The following FZD4 variants were observed in gnomAD, a reference collection of about 807,000 sequenced individuals.
FZD4 encodes the protein frizzled class receptor 4.
Under a neutral mutation model 37.3 loss-of-function variants are expected in FZD4, and 16 were observed. That is an observed-to-expected ratio of 0.43 (90% CI 0.29 to 0.65). The LOEUF (loss-of-function observed/expected upper bound fraction) is 0.65, where lower values mean the gene tolerates loss of function less well. FZD4 is among the 30% of genes least tolerant of loss of function. The pLI, the probability that FZD4 is intolerant of heterozygous loss-of-function variation, is 0.16. For missense variants in FZD4, 599 were observed against 674.3 expected, an observed-to-expected ratio of 0.89 and a Z score of 1.24; for synonymous variants, 246 against 254.8, an observed-to-expected ratio of 0.97 and a Z score of 0.33.
In FZD4 at chr11:86,952,235, G is replaced by C; in HGVS notation, c.521C>G (p.Pro174Arg). ...DEEVPLPHKT[P>R]IQPGEECHSV... ...GTGACACTCTTCCCCAGGCTGGATG[G>C]GGGTTTTGTGAGGTAAGGGCACCTC... The change falls in exon 2 of 2, where the codon CCC becomes CGC. Residue 174 changes from proline (P) to arginine (R), a missense_variant. Physicochemically the swap from Pro to Arg is moderately radical, Grantham distance 103 (BLOSUM62 -2). Around this residue, in one of 3 missense-constraint regions of FZD4, gnomAD observed 357 missense variants for 396.1 expected, o/e 0.90. Coordinates refer to ENST00000531380, the MANE Select transcript of FZD4 (RefSeq NM_012193.4). 6.2e-7 allele frequency: 1 copy of C among 1,614,164 alleles called. No individual in the cohort carries two copies. The highest frequency in any genetic ancestry group is 8.5e-7 in the Non-Finnish European group (1 of 1,180,032).
chr11:86,954,171 T>C, intron 1 of FZD4: 1 of 899,244 alleles, frequency 1.1e-6, no homozygotes, highest in Non-Finnish European at 1.3e-6. Context: ...TTACATTTTT[T>C]AATGACTGCA....
chr11:86,954,545 C>T (rs567848877), intron 1 of FZD4: 1 of 985,286 alleles, frequency 1.0e-6, no homozygotes, highest in Admixed American at 6.1e-5. Context: ...GGTTAGGGGT[C>T]TGGGCCAGAC....
Position 86,952,306 on chromosome 11 carries a change from T to G in FZD4, c.450A>C (p.Pro150=), listed in dbSNP as rs773169981. ...TGCACATGTGGTTGTGGTCGTTCTG[T>G]GGTGGGAATTTGCTGCAGTTCAGAC... The part of the protein sequence containing the change: ...PESLNCSKFP[P]QNDHNHMCME... The change falls in exon 2 of 2, where the codon CCA becomes CCC. Residue 150 remains proline (P), a synonymous_variant. Transcript: ENST00000531380. 1 of 1,614,184 alleles carries G rather than the reference T, an allele frequency of 6.2e-7. No individual in the cohort carries two copies. The highest frequency in any genetic ancestry group is 8.5e-7 in the Non-Finnish European group (1 of 1,180,032).
At chr11:86,954,328 C>T (rs1949318342) in intron 1 of FZD4, 1 of 985,190 alleles carries the variant, frequency 1.0e-6, no homozygotes, top group Non-Finnish European at 1.2e-6. Flanking sequence ...CGCTGCGGGA[C>T]GTCGTGAGAA....
rs1025773182 is a variant in FZD4, at chr11:86,947,156, T to A, written c.*3986A>T. ...AGGCAGAGGTTGCAGTGAGCCAAGATCGTGCCATTGCGCCCCAGCCTGGGT... is the reference window on the plus strand; with the variant it reads ...AGGCAGAGGTTGCAGTGAGCCAAGAACGTGCCATTGCGCCCCAGCCTGGGT... On this transcript the variant is annotated 3_prime_UTR_variant, in exon 2 of 2. Transcript: ENST00000531380. 2 of 159,492 alleles carry A rather than the reference T, an allele frequency of 1.3e-5. No individual in the cohort carries two copies. The highest frequency in any genetic ancestry group is 4.8e-5 in the African/African-American group (2 of 41,486). The allele number at this position is 159,492 out of a possible 1,614,324, so 9.9% of individuals were successfully genotyped here.
At position 86,950,863 on chromosome 11, in the gene FZD4, C is replaced by T. The variant is rs1949284408; in HGVS notation, c.*279G>A. On this transcript the variant is annotated 3_prime_UTR_variant, in exon 2 of 2. Coordinates refer to ENST00000531380, the MANE Select transcript of FZD4 (RefSeq NM_012193.4). Reference sequence around the variant, plus strand: ...GGAATCTAGGCAGGACCTCCACGCTCCAAGCTGCAACCTGCTAAAGTGATC... The same window carrying T: ...GGAATCTAGGCAGGACCTCCACGCTTCAAGCTGCAACCTGCTAAAGTGATC... The T allele has an allele frequency of 1.0e-5, 5 of 501,208 alleles. No individual in the cohort carries two copies. The highest frequency in any genetic ancestry group is 8.5e-5 in the South Asian group (4 of 46,870). The allele number at this position is 501,208 out of a possible 1,614,324, so 31.0% of individuals were successfully genotyped here.
At position 86,951,799 on chromosome 11, in the gene FZD4, C is replaced by G; in HGVS notation, c.957G>C (p.Trp319Cys). The change falls in exon 2 of 2, where the codon TGG becomes TGC. Residue 319 changes from tryptophan (W) to cysteine (C), a missense_variant. By Grantham distance (215) the Trp-to-Cys change is radical. Coordinates refer to ENST00000531380, the MANE Select transcript of FZD4 (RefSeq NM_012193.4). ...MYFFGMASSIWWVILTLTWFL... is the reference protein window; with the variant it reads ...MYFFGMASSICWVILTLTWFL... ...ACCAAGTGAGTGTCAGAATAACCCACCAAATGGAGCTGGCCATTCCAAAAA... is the reference window on the plus strand; with the variant it reads ...ACCAAGTGAGTGTCAGAATAACCCAGCAAATGGAGCTGGCCATTCCAAAAA... 1 of 1,614,082 alleles carries G rather than the reference C, an allele frequency of 6.2e-7. No homozygotes were observed. The highest frequency in any genetic ancestry group is 2.2e-5 in the East Asian group (1 of 44,890).
At chr11:86,953,269 C>A (rs946935926) in intron 1 of FZD4, among the ~76,000 whole-genome samples, 5 of 152,134 alleles carry the variant, frequency 3.3e-5, no homozygotes, top group Non-Finnish European at 7.3e-5. Context: ...TAAAGGGATC[C>A]AGTCTTGTCC....
chr11:86,951,019 G>T lies in FZD4; in HGVS notation c.*123C>A, dbSNP rs1458602994. The T allele has an allele frequency of 1.9e-6, 2 of 1,045,282 alleles. No individual in the cohort carries two copies. Among genetic ancestry groups the T allele is most frequent in the Non-Finnish European group, 3.0e-6 (2 of 671,162 alleles). 64.8% of individuals were successfully genotyped at this position (1,045,282 alleles called of 1,614,324 possible). A position where few individuals can be genotyped will look rare whatever the true frequency, so the allele number is the denominator to read the frequency against. ...GGTGGGAGGCAGTGGGTTGACGGGGGTCACTTAATTGTTGCTAGTTTGTTC... is the reference window on the plus strand; with the variant it reads ...GGTGGGAGGCAGTGGGTTGACGGGGTTCACTTAATTGTTGCTAGTTTGTTC... On this transcript the variant is annotated 3_prime_UTR_variant, in exon 2 of 2. Coordinates refer to ENST00000531380, the MANE Select transcript of FZD4 (RefSeq NM_012193.4).
intron 1 of FZD4, among the ~76,000 whole-genome samples, chr11:86,953,114 ATGTTAAGTCGCTGAAAC>A (rs1436109664): frequency 6.6e-6 from 1 of 152,196 alleles, no homozygotes; most frequent in Non-Finnish European, 1.5e-5. Context: ...GAAAATGTAA[ATGTTAAGTCGCTGAAAC>A]TGCAGTACCA....
At position 86,950,909 on chromosome 11, in the gene FZD4, C is replaced by G. The variant is rs1191022915; in HGVS notation, c.*233G>C. 1.7e-6 allele frequency: 1 copy of G among 590,592 alleles called. No individual in the cohort carries two copies. Among genetic ancestry groups the G allele is most frequent in the East Asian group, 2.9e-5 (1 of 34,638 alleles). 36.6% of individuals were successfully genotyped at this position (590,592 alleles called of 1,614,324 possible). ...TGATCAACGTTTTGATTTTTCACAG[C>G]TTTGAAAGCCTCTAACTGGCTTTTC... On this transcript the variant is annotated 3_prime_UTR_variant, in exon 2 of 2. Transcript: ENST00000531380.
In FZD4 at chr11:86,948,413, A is replaced by G. The variant is rs1489960489; in HGVS notation, c.*2729T>C. 1 of 152,102 alleles carries G rather than the reference A, an allele frequency of 6.6e-6. No homozygotes were observed. The allele number at this position is 152,102 out of a possible 1,614,324, so 9.4% of individuals were successfully genotyped here. On this transcript the variant is annotated 3_prime_UTR_variant, in exon 2 of 2. Coordinates refer to ENST00000531380, the MANE Select transcript of FZD4 (RefSeq NM_012193.4). The stretch of plus-strand genomic sequence containing the variant: ...TAACTGATTTTTTTAACAAATACCG[A>G]TTTAAGAAGTGATGGAGTTGATTGA...
rs1484129017 is a variant in FZD4 at position 86,950,846 on chromosome 11, G to T, written c.*296C>A. 6.4e-6 allele frequency: 3 copies of T among 467,392 alleles called. No individual in the cohort carries two copies. Among genetic ancestry groups the T allele is most frequent in the Non-Finnish European group, 1.2e-5 (3 of 254,750 alleles). 29.0% of individuals were successfully genotyped at this position (467,392 alleles called of 1,614,324 possible). On this transcript the variant is annotated 3_prime_UTR_variant, in exon 2 of 2. Coordinates refer to ENST00000531380, the MANE Select transcript of FZD4 (RefSeq NM_012193.4). ...ATCGCCCTGGACTTCCTGGAATCTA[G>T]GCAGGACCTCCACGCTCCAAGCTGC...
rs80358281 is a variant in FZD4 at position 86,954,979 on chromosome 11, C to T, written c.107G>A (p.Gly36Asp). 5.0e-6 allele frequency: 8 copies of T among 1,613,014 alleles called. No homozygotes were observed. The highest frequency in any genetic ancestry group is 6.8e-6 in the Non-Finnish European group (8 of 1,179,828). The change falls in exon 1 of 2, where the codon GGC becomes GAC. Residue 36 changes from glycine (G) to aspartate (D), a missense_variant. Transcript: ENST00000531380. ...GCGCCGCTCTTCCTCGTCCCCGAAGCCCCGCGCCGGCCCCAGGAGCAGCAG... is the reference window on the plus strand; with the variant it reads ...GCGCCGCTCTTCCTCGTCCCCGAAGTCCCGCGCCGGCCCCAGGAGCAGCAG... ...QLLLLLGPARGFGDEEERRCD... is the reference protein window; with the variant it reads ...QLLLLLGPARDFGDEEERRCD...
chr11:86,946,094 C>T lies in FZD4; in HGVS notation c.*5048G>A, dbSNP rs1385797137. 4 of 152,500 alleles carry T rather than the reference C, an allele frequency of 2.6e-5. No homozygotes were observed. The highest frequency in any genetic ancestry group is 9.7e-5 in the African/African-American group (4 of 41,428). 9.4% of individuals were successfully genotyped at this position (152,500 alleles called of 1,614,324 possible). Reference sequence around the variant, plus strand: ...ATCATTTTTTGACCTTTTCAAGCCTCACAACATCCCTGTGAGGTAGACAAA... The same window carrying T: ...ATCATTTTTTGACCTTTTCAAGCCTTACAACATCCCTGTGAGGTAGACAAA... On this transcript the variant is annotated 3_prime_UTR_variant, in exon 2 of 2. Transcript: ENST00000531380.
In FZD4 at chr11:86,948,278, AG is replaced by A. The variant is rs1949260538; in HGVS notation, c.*2863del. The A allele has an allele frequency of 6.6e-6, 1 of 152,172 alleles. No individual in the cohort carries two copies. The highest frequency in any genetic ancestry group is 6.5e-5 in the Admixed American group (1 of 15,272). 9.4% of individuals were successfully genotyped at this position (152,172 alleles called of 1,614,324 possible). A position where few individuals can be genotyped will look rare whatever the true frequency, so the allele number is the denominator to read the frequency against. ...CCAGAGGTCCCTGCTCCTTTCCCAG[AG>A]GAACAGTAAAGTTCAGCAGACCTGG... On this transcript the variant is annotated 3_prime_UTR_variant, in exon 2 of 2. Coordinates refer to ENST00000531380, the MANE Select transcript of FZD4 (RefSeq NM_012193.4).
In FZD4 at chr11:86,955,390, G is replaced by C. The variant is rs550918541; in HGVS notation, c.-305C>G. The C allele has an allele frequency of 2.0e-4, 53 of 265,486 alleles. No homozygotes were observed. Among genetic ancestry groups the C allele is most frequent in the African/African-American group, 1.0e-3 (47 of 45,004 alleles). The allele number at this position is 265,486 out of a possible 1,614,324, so 16.4% of individuals were successfully genotyped here. Reference sequence around the variant, plus strand: ...GCCAGCCAGCAGCCAGCGCTGCGCAGCTCTCACCGCCGGAGCCCTGCGCGG... The same window carrying C: ...GCCAGCCAGCAGCCAGCGCTGCGCACCTCTCACCGCCGGAGCCCTGCGCGG... On this transcript the variant is annotated 5_prime_UTR_variant, in exon 1 of 2. Coordinates refer to ENST00000531380, the MANE Select transcript of FZD4 (RefSeq NM_012193.4).
Position 86,955,170 on chromosome 11 carries a change from G to C in FZD4, c.-85C>G, listed in dbSNP as rs527939713. On this transcript the variant is annotated 5_prime_UTR_variant, in exon 1 of 2. Coordinates refer to ENST00000531380, the MANE Select transcript of FZD4 (RefSeq NM_012193.4). ...TTGCACGGGGGCGCCGGCTGCCCGC[G>C]CTGCTCCCAGCTCCCGGGACGGGAG... 2.5e-5 allele frequency: 27 copies of C among 1,070,332 alleles called. No individual in the cohort carries two copies. Among genetic ancestry groups the C allele is most frequent in the Admixed American group, 1.1e-4 (3 of 26,906 alleles). The allele number at this position is 1,070,332 out of a possible 1,614,324, so 66.3% of individuals were successfully genotyped here. A position where few individuals can be genotyped will look rare whatever the true frequency, so the allele number is the denominator to read the frequency against.
chr11:86,952,191 C>T lies in FZD4; in HGVS notation c.565G>A (p.Asp189Asn). ...CTCCTTTTCACCCAGATGTACTGAT[C>T]AGAATTGGTTCCCACAGAGTGACAC... ...EECHSVGTNS[D>N]QYIWVKRSLN... is the part of the protein sequence containing the mutation. The change falls in exon 2 of 2, where the codon GAT becomes AAT. Residue 189 changes from aspartate (D) to asparagine (N), a missense_variant. Physicochemically the swap from Asp to Asn is conservative, Grantham distance 23. Around this residue, in one of 3 missense-constraint regions of FZD4, gnomAD observed 357 missense variants for 396.1 expected, o/e 0.90. Transcript: ENST00000531380. 1 of 1,613,240 alleles carries T rather than the reference C, an allele frequency of 6.2e-7. No individual in the cohort carries two copies. The highest frequency in any genetic ancestry group is 8.5e-7 in the Non-Finnish European group (1 of 1,179,398).
Sources: allele counts gnomAD v4.1 joint callset (sites outside exome capture counted in the v4.1 genomes callset), GRCh38; gene constraint gnomAD v4.1.1; regional missense constraint gnomAD v4.1.1; transcripts MANE v1.5; gene names NCBI Gene and HGNC (gene_info 2026-07-23, HGNC 2026-07-21).